BICDL1: variants seen among roughly 807,000 people sequenced by gnomAD.
BICDL1 encodes BICD family like cargo adaptor 1, also known as BICD family-like cargo adapter 1.
In BICDL1, 20 loss-of-function variants were observed where a neutral mutation model predicts 76.8. That is an observed-to-expected ratio of 0.26 (90% CI 0.18 to 0.38). The LOEUF (loss-of-function observed/expected upper bound fraction) is 0.38, where lower values mean the gene tolerates loss of function less well. Among genes scored for constraint, BICDL1 ranks in the 10% least tolerant of loss-of-function variants. The probability of loss-of-function intolerance (pLI) is 1.00; values close to 1 mark genes in which losing one functional copy is unlikely to be tolerated. For synonymous variants in BICDL1, 383 were observed against 337.1 expected, an observed-to-expected ratio of 1.14 and a Z score of -1.49; for missense variants, 700 against 798.6, an observed-to-expected ratio of 0.88 and a Z score of 1.49.
intron 2 of BICDL1, among the ~76,000 whole-genome samples, chr12:120,017,822 C>T (rs1015108765): frequency 7.2e-5 from 11 of 152,122 alleles, no homozygotes; most frequent in African/African-American, 2.2e-4. Flanking sequence ...ATGATTTAAT[C>T]GAGTATAGGC....
intron 8 of BICDL1, among the ~76,000 whole-genome samples, chr12:120,084,178 A>G (rs1874217339): frequency 6.6e-6 from 1 of 151,388 alleles, no homozygotes; most frequent in East Asian, 2.0e-4. Flanking sequence ...AATTTTTTGT[A>G]TTTTTAGTAG....
intron 2 of BICDL1, among the ~76,000 whole-genome samples, chr12:120,001,315 C>T (rs1951754550): frequency 6.6e-6 from 1 of 152,132 alleles, no homozygotes; most frequent in South Asian, 2.1e-4. Flanking sequence ...GGCACAATCT[C>T]AGCTCACTGC....
intron 4 of BICDL1, among the ~76,000 whole-genome samples, chr12:120,067,269 A>G (rs1185863202): frequency 1.3e-5 from 2 of 152,250 alleles, no homozygotes; most frequent in Admixed American, 6.5e-5. Flanking sequence ...GGTGGATTCC[A>G]TCAGCAGAGC....
At chr12:120,078,460 A>G (rs947944741) in intron 7 of BICDL1, among the ~76,000 whole-genome samples, 5 of 152,228 alleles carry the variant, frequency 3.3e-5, no homozygotes, top group African/African-American at 1.2e-4. Context: ...GGTGGATGTA[A>G]CCTAAGTCTT....
In BICDL1 at chr12:119,989,437, C is replaced by G. The variant is rs1241107867; in HGVS notation, c.-432C>G. Among the ~76,000 whole-genome samples the G allele has an allele frequency of 6.9e-6, 1 of 144,828 alleles. No individual in the cohort carries two copies. Among genetic ancestry groups the G allele is most frequent in the African/African-American group, 2.6e-5 (1 of 38,918 alleles). On this transcript the variant is annotated 5_prime_UTR_variant, in exon 1 of 10. Coordinates refer to ENST00000548673, the MANE Select transcript of BICDL1 (RefSeq NM_001367886.1). ...GGCGACAGCGGAGCGCAGCCCGCCC[C>G]GTGAGGCGCTGCCCGGCCGGCGGCG...
intron 2 of BICDL1, among the ~76,000 whole-genome samples, chr12:120,013,356 T>C (rs765561680): frequency 6.6e-6 from 1 of 151,956 alleles, no homozygotes; most frequent in Admixed American, 6.6e-5. Context: ...CAAATTTTAT[T>C]GTCATTTAAT....
chr12:120,020,587 C>T (rs1240310307), intron 2 of BICDL1, among the ~76,000 whole-genome samples: 1 of 152,008 alleles, frequency 6.6e-6, no homozygotes, highest in African/African-American at 2.4e-5. Flanking sequence ...CATAAGAATG[C>T]CTGCTCATGT....
chr12:120,013,694 TC>T (rs1235839384), intron 2 of BICDL1, among the ~76,000 whole-genome samples: 1 of 152,124 alleles, frequency 6.6e-6, no homozygotes, highest in Non-Finnish European at 1.5e-5. Flanking sequence ...ACTCCTGGCC[TC>T]AAGTGATCCG....
At chr12:119,997,337 C>T (rs1156246560) in intron 1 of BICDL1, among the ~76,000 whole-genome samples, 1 of 152,196 alleles carries the variant, frequency 6.6e-6, no homozygotes, top group Non-Finnish European at 1.5e-5. Context: ...TGCATACCAT[C>T]TTTCATATGC....
rs911755332 is a variant in BICDL1 at position 120,094,437 on chromosome 12, G to A, written c.*1276G>A. On this transcript the variant is annotated 3_prime_UTR_variant, in exon 10 of 10. Transcript: ENST00000548673. ...ATAAAGGCATATTTTTAGAAAAACA[G>A]CACACCACTGCTTCTTTTGAAAATA... 3.1e-6 allele frequency: 1 copy of A among 327,836 alleles called. No homozygotes were observed. The highest frequency in any genetic ancestry group is 2.2e-5 in the African/African-American group (1 of 46,382). 20.3% of individuals were successfully genotyped at this position (327,836 alleles called of 1,614,324 possible).
rs147154963 is a variant in BICDL1 at position 120,023,912 on chromosome 12, A to G, written c.645+25176A>G. 1.9e-3 allele frequency among the ~76,000 whole-genome samples: 289 copies of G among 152,354 alleles called. 2 individuals are homozygous for G. Among genetic ancestry groups the G allele is most frequent in the African/African-American group, 6.5e-3 (272 of 41,582 alleles). ...AGCTGACACACGTGTTAGACTTAGC[A>G]TAGAAGAACAGGAGAGTTCTTAGAA... is the stretch of plus-strand genomic sequence containing the variant. On this transcript the variant is annotated intron_variant, in intron 2 of 9. Coordinates refer to ENST00000548673, the MANE Select transcript of BICDL1 (RefSeq NM_001367886.1).
intron 7 of BICDL1, among the ~76,000 whole-genome samples, chr12:120,075,963 A>AGCCTGGCCAACATGGCGAAACCC (rs1873515231): frequency 6.6e-6 from 1 of 152,232 alleles, no homozygotes; most frequent in Non-Finnish European, 1.5e-5. Flanking sequence ...GTTCGAGACC[A>AGCCTGGCCAACATGGCGAAACCC]GCCTGGCCAA....
chr12:120,020,403 A>C (rs1004690066), intron 2 of BICDL1, among the ~76,000 whole-genome samples: 3 of 152,232 alleles, frequency 2.0e-5, no homozygotes, highest in Non-Finnish European at 4.4e-5. Context: ...GTTATATTGT[A>C]ATAATACTCA....
intron 2 of BICDL1, among the ~76,000 whole-genome samples, chr12:120,013,236 C>T (rs1375051541): frequency 6.6e-6 from 1 of 151,354 alleles, no homozygotes; most frequent in South Asian, 2.1e-4. Flanking sequence ...ATCGTTTGAA[C>T]CTGGGAGGTG....
rs1382376962 is a variant in BICDL1, at chr12:119,989,251, G to A, written c.-618G>A. 1.3e-5 allele frequency among the ~76,000 whole-genome samples: 2 copies of A among 150,076 alleles called. No homozygotes were observed. The highest frequency in any genetic ancestry group is 2.1e-4 in the South Asian group (1 of 4,830). ...CGGGGAAGGCAGGAAGGAGCTCGCC[G>A]GGTTGCGCGGCGCGCGATGTGGAGC... On this transcript the variant is annotated 5_prime_UTR_variant, in exon 1 of 10. Transcript: ENST00000548673.
chr12:119,999,200 A>G (rs923870853), intron 2 of BICDL1, among the ~76,000 whole-genome samples: 2 of 152,080 alleles, frequency 1.3e-5, no homozygotes, highest in Non-Finnish European at 2.9e-5. Context: ...CTTTGGTATT[A>G]CTGAACTAGG....
chr12:120,020,775 G>A (rs563850003), intron 2 of BICDL1, among the ~76,000 whole-genome samples: 1 of 152,294 alleles, frequency 6.6e-6, no homozygotes, highest in South Asian at 2.1e-4. Flanking sequence ...GCTTTACAAT[G>A]GGAGGGGTTT....
intron 2 of BICDL1, among the ~76,000 whole-genome samples, chr12:120,020,382 C>T (rs150063437): frequency 2.6e-5 from 4 of 152,278 alleles, no homozygotes; most frequent in African/African-American, 9.6e-5. Context: ...ATATATAAAA[C>T]GTCAGAGTCT....
In BICDL1 at chr12:120,001,498, G is replaced by A. The variant is rs370231033; in HGVS notation, c.645+2762G>A. Among the ~76,000 whole-genome samples, 8 of 151,998 alleles carry A rather than the reference G, an allele frequency of 5.3e-5. No individual in the cohort carries two copies. In the South Asian group the frequency reaches 1.2e-3, roughly 24 times the overall value. Reference sequence around the variant, plus strand: ...CCTGACCTTGTGATCTGCCCGCCTCGGCCTCCCAAAGTGCTGGGATTACAG... The same window carrying A: ...CCTGACCTTGTGATCTGCCCGCCTCAGCCTCCCAAAGTGCTGGGATTACAG... On this transcript the variant is annotated intron_variant, in intron 2 of 9. Coordinates refer to ENST00000548673, the MANE Select transcript of BICDL1 (RefSeq NM_001367886.1).
Sources: allele counts gnomAD v4.1 joint callset (sites outside exome capture counted in the v4.1 genomes callset), GRCh38; gene constraint gnomAD v4.1.1; transcripts MANE v1.5; gene names NCBI Gene and HGNC (gene_info 2026-07-23, HGNC 2026-07-21).